The following TRIML1 variants were observed in gnomAD, a reference collection of about 807,000 sequenced individuals.
The protein encoded by TRIML1 is probable E3 ubiquitin-protein ligase TRIML1.
TRIML1 carries 34 observed loss-of-function variants against 32.3 expected under a neutral mutation model. That is an observed-to-expected ratio of 1.05 (90% CI 0.80 to 1.40). TRIML1 has a LOEUF of 1.40. Among genes scored for constraint, TRIML1 ranks in the 40% most tolerant of loss-of-function variants. The pLI, the probability that TRIML1 is intolerant of heterozygous loss-of-function variation, is 0.00. For missense variants in TRIML1, 595 were observed against 574.9 expected (o/e 1.03, Z -0.36); for synonymous variants, 244 against 226.6 (o/e 1.08, Z -0.69).
At chr4:188,150,748 C>A (rs1239011708), downstream of TRIML1, among the ~76,000 whole-genome samples, 1 of 151,342 alleles carries the variant, frequency 6.6e-6, no homozygotes, top group African/African-American at 2.4e-5. Flanking sequence ...ATTGTGTACA[C>A]AGGGCCTGCC....
chr4:188,148,901 C>CTTTTTT (rs34415263), downstream of TRIML1, among the ~76,000 whole-genome samples: 2 of 63,746 alleles, frequency 3.1e-5, no homozygotes, highest in Non-Finnish European at 5.7e-5. Context: ...CGTGCCCAGG[C>CTTTTTT]TTTTTTTTTT....
upstream of TRIML1, among the ~76,000 whole-genome samples, chr4:188,139,180 A>C (rs1734752164): frequency 6.6e-6 from 1 of 152,210 alleles, no homozygotes; most frequent in African/African-American, 2.4e-5. Context: ...AAATCACCCA[A>C]GCTTCCAGCC....
In TRIML1 at chr4:188,139,837, C is replaced by T; in HGVS notation, c.279C>T (p.Gly93=). Residue 93 remains glycine (G), a synonymous_variant, in exon 1 of 6, where the codon GGC becomes GGT. Transcript: ENST00000332517. The stretch of plus-strand genomic sequence containing the variant: ...TGCTGCAGAGCGAGGATGAGCAGGG[C>T]AGCTACGGGAGGATGCCCACCACTG... ...SQVLQSEDEQ[G]SYGRMPTTAK... is the part of the protein sequence containing the mutation. 4.3e-6 allele frequency: 7 copies of T among 1,613,886 alleles called. No homozygotes were observed. The highest frequency in any genetic ancestry group is 5.9e-6 in the Non-Finnish European group (7 of 1,180,040).
At chr4:188,142,515 AATT>A (rs1471178221) in intron 3 of TRIML1, 33 bp downstream of exon 3, 1 of 1,511,092 alleles carries the variant, frequency 6.6e-7, no homozygotes, top group Non-Finnish European at 9.2e-7. Context: ...TAATGGGAAA[AATT>A]ATAGTAACTC....
chr4:188,138,409 G>C (rs1317614674), upstream of TRIML1, among the ~76,000 whole-genome samples: 2 of 152,068 alleles, frequency 1.3e-5, no homozygotes, highest in East Asian at 1.9e-4. Context: ...ACAGAAATAT[G>C]GCGTGATGAG....
upstream of TRIML1, among the ~76,000 whole-genome samples, chr4:188,139,034 A>G (rs1035229381): frequency 4.6e-5 from 7 of 152,152 alleles, no homozygotes; most frequent in African/African-American, 1.7e-4. Context: ...TGAGAAAAGG[A>G]CTATGTATTA....
In TRIML1 at chr4:188,140,586, T is replaced by A; in HGVS notation, c.467T>A (p.Val156Glu). The stretch of plus-strand genomic sequence containing the variant: ...GTAAGGAGAAAGGAAGCTCAGGCTG[T>A]ACTAACCCATGAGAAGGAGAGAGTG... ...LRVRRKEAQA[V>E]LTHEKERVKL... Residue 156 changes from valine to glutamate, a missense_variant, in exon 2 of 6, where the codon GTA becomes GAA. Physicochemically the swap from Val to Glu is moderately radical, Grantham distance 121. Transcript: ENST00000332517. 2 of 1,614,094 alleles carry A rather than the reference T, an allele frequency of 1.2e-6. No homozygotes were observed. The highest frequency in any genetic ancestry group is 8.5e-7 in the Non-Finnish European group (1 of 1,179,966).
At position 188,143,967 on chromosome 4, in the gene TRIML1, G is replaced by C. The variant is rs927625541; in HGVS notation, c.759-69G>C. ...TGCGCTGTTGCTGGGGGAGAAATGA[G>C]GTGGACTCTCCAGCTGGAGCAGGTC... On this transcript the variant is annotated intron_variant, in intron 4 of 5. Coordinates refer to ENST00000332517, the MANE Select transcript of TRIML1 (RefSeq NM_178556.5). 2.1e-5 allele frequency: 33 copies of C among 1,604,754 alleles called. No homozygotes were observed. The Admixed American group carries it at 4.0e-4, about 19-fold the overall frequency.
intron 1 of TRIML1, among the ~76,000 whole-genome samples, 200 bp downstream of exon 1, chr4:188,140,166 G>T (rs533979476): frequency 5.3e-5 from 8 of 150,856 alleles, no homozygotes; most frequent in Non-Finnish European, 8.8e-5. Flanking sequence ...CTGTTGCCCA[G>T]GCTGGAGTGC....
At chr4:188,143,964 T>C in intron 4 of TRIML1, 72 bp from the exon 5 acceptor site, 5 of 1,604,400 alleles carry the variant, frequency 3.1e-6, no homozygotes, top group Non-Finnish European at 4.3e-6. Flanking sequence ...GGGGGAGAAA[T>C]GAGGTGGACT....
upstream of TRIML1, among the ~76,000 whole-genome samples, chr4:188,137,648 T>C (rs922742724): frequency 6.6e-6 from 1 of 151,948 alleles, no homozygotes; most frequent in Non-Finnish European, 1.5e-5. Flanking sequence ...CGGCTAATTT[T>C]GTATTTTTAG....
At chr4:188,140,696 A>G in intron 2 of TRIML1, 73 bp downstream of exon 2, 2 of 1,119,936 alleles carry the variant, frequency 1.8e-6, no homozygotes, top group African/African-American at 1.7e-5. Context: ...TTAGTGAAAT[A>G]TCAGGAAAAA....
rs141022727 is a variant in TRIML1 at position 188,139,844 on chromosome 4, G to A, written c.286G>A (p.Gly96Arg). ...LQSEDEQGSY[G>R]RMPTTAKALS... ...GAGCGAGGATGAGCAGGGCAGCTAC[G>A]GGAGGATGCCCACCACTGCCAAGGC... Residue 96 changes from glycine (G) to arginine (R), a missense_variant, in exon 1 of 6, where the codon GGG becomes AGG. By Grantham distance (125) the Gly-to-Arg change is moderately radical (BLOSUM62 -2). Coordinates refer to ENST00000332517, the MANE Select transcript of TRIML1 (RefSeq NM_178556.5). 3.0e-4 allele frequency: 488 copies of A among 1,613,848 alleles called. 2 individuals carry two copies. The African/African-American group carries it at 5.7e-3, about 19-fold the overall frequency.
chr4:188,137,935 T>A (rs528223186), upstream of TRIML1, among the ~76,000 whole-genome samples: 6 of 150,718 alleles, frequency 4.0e-5, no homozygotes, highest in East Asian at 1.2e-3. Context: ...TTTTTTTTTT[T>A]AAGACTCTTA....
upstream of TRIML1, among the ~76,000 whole-genome samples, chr4:188,138,701 A>G (rs1734741637): frequency 1.3e-5 from 2 of 152,194 alleles, no homozygotes; most frequent in South Asian, 2.1e-4. Flanking sequence ...GAAATTTTCA[A>G]TGGGTGAAAA....
intron 5 of TRIML1, 73 bp downstream of exon 5, chr4:188,144,206 A>T: frequency 7.5e-7 from 1 of 1,327,144 alleles, no homozygotes; most frequent in Non-Finnish European, 1.1e-6. Context: ...CCAGTGTCAG[A>T]CATTCACGAT....
chr4:188,142,244 T>G lies in TRIML1; in HGVS notation c.505-8T>G, dbSNP rs1018504460. The G allele has an allele frequency of 1.4e-6, 2 of 1,421,462 alleles. No individual in the cohort carries two copies. The highest frequency in any genetic ancestry group is 1.9e-6 in the Non-Finnish European group (2 of 1,041,516). The allele number at this position is 1,421,462 out of a possible 1,614,324, so 88.1% of individuals were successfully genotyped here. A position where few individuals can be genotyped will look rare whatever the true frequency, so the allele number is the denominator to read the frequency against. Reference sequence around the variant, plus strand: ...TGTGTGTGTGTGTGTGTGTGTGTGTTTTGGCAGGAAGAAACAAAGACTTGT... The same window carrying G: ...TGTGTGTGTGTGTGTGTGTGTGTGTGTTGGCAGGAAGAAACAAAGACTTGT... On this transcript the variant is annotated splice_region_variant and splice_polypyrimidine_tract_variant and intron_variant, in intron 2 of 5. Transcript: ENST00000332517.
chr4:188,144,034 A>C lies in TRIML1; in HGVS notation c.759-2A>C. On this transcript the variant is annotated splice_acceptor_variant, in intron 4 of 5. Transcript: ENST00000332517. LOFTEE classifies it high-confidence loss of function. ...GGAGTGAACCTCTCTGCTCTCTTGC[A>C]GGAGCGAGCCACTCTTGCTTCAGTG... The C allele has an allele frequency of 1.2e-6, 2 of 1,613,446 alleles. No homozygotes were observed. Among genetic ancestry groups the C allele is most frequent in the South Asian group, 1.1e-5 (1 of 91,034 alleles).
intron 2 of TRIML1, among the ~76,000 whole-genome samples, 165 bp from the exon 3 acceptor site, chr4:188,142,087 A>G (rs551339968): frequency 2.0e-5 from 3 of 147,448 alleles, no homozygotes; most frequent in African/African-American, 7.5e-5. Flanking sequence ...ACTGCACTTC[A>G]GACTGGCGAC....
Sources: gnomAD v4.1 joint callset for allele counts (sites outside exome capture counted in the v4.1 genomes callset) on GRCh38, gnomAD v4.1.1 for gene constraint, MANE v1.5 for transcripts, NCBI Gene and HGNC (gene_info 2026-07-23, HGNC 2026-07-21) for gene names.